Variants in XYLT1 observed in about 807,000 individuals in gnomAD.
XYLT1 encodes beta-D-xylosyltransferase 1.
Under a neutral mutation model 91.3 loss-of-function variants are expected in XYLT1, and 36 were observed. The ratio of observed to expected loss-of-function variants is 0.39; its 90% CI spans 0.30 to 0.52. The LOEUF (loss-of-function observed/expected upper bound fraction) is 0.52. Ranked by LOEUF, XYLT1 falls within the 20% of genes least tolerant of loss-of-function variation. XYLT1 has a pLI of 0.68. For synonymous variants in XYLT1, 588 were observed against 532.0 expected, an observed-to-expected ratio of 1.11 and a Z score of -1.45; for missense variants, 1,242 against 1,284.5, an observed-to-expected ratio of 0.97 and a Z score of 0.51.
chr16:17,310,633 G>A (rs2034533387), intron 2 of XYLT1, among the ~76,000 whole-genome samples: 1 of 152,170 alleles, frequency 6.6e-6, no homozygotes. Context: ...GGTGGATCAT[G>A]AGGTCATGAG....
chr16:17,331,811 T>C (rs1256927911), intron 2 of XYLT1, among the ~76,000 whole-genome samples: 1 of 152,146 alleles, frequency 6.6e-6, no homozygotes, highest in Non-Finnish European at 1.5e-5. Context: ...AAAATTAATA[T>C]TATGTGCTGC....
chr16:17,278,935 CTG>C (rs1345603991), intron 2 of XYLT1, among the ~76,000 whole-genome samples: 2 of 152,200 alleles, frequency 1.3e-5, no homozygotes, highest in African/African-American at 4.8e-5. Context: ...CCAAGGCTGA[CTG>C]TGAACATTTC....
intron 6 of XYLT1, among the ~76,000 whole-genome samples, chr16:17,152,013 T>C (rs2031295297): frequency 6.6e-6 from 1 of 152,212 alleles, no homozygotes; most frequent in Non-Finnish European, 1.5e-5. Flanking sequence ...TCTAAAGGTC[T>C]GTTGAGGGCT....
intron 11 of XYLT1, among the ~76,000 whole-genome samples, chr16:17,112,900 CATG>C (rs145138156): frequency 0.21 from 31,732 of 152,054 alleles, 4,154 homozygotes; most frequent in East Asian, 0.6. Flanking sequence ...AGTGCAATGG[CATG>C]ATCTCAGCTC....
chr16:17,337,762 T>G (rs1467792951), intron 2 of XYLT1, among the ~76,000 whole-genome samples: 7 of 147,532 alleles, frequency 4.7e-5, no homozygotes, highest in Non-Finnish European at 8.9e-5. Flanking sequence ...ACTTTGTCTG[T>G]TCCACATTTT....
chr16:17,448,854 C>G (rs1430219242), intron 1 of XYLT1, among the ~76,000 whole-genome samples: 1 of 152,108 alleles, frequency 6.6e-6, no homozygotes, highest in Non-Finnish European at 1.5e-5. Flanking sequence ...TGTATTAACT[C>G]ATTTATTTCT....
chr16:17,127,871 C>G lies in XYLT1; in HGVS notation c.2028-10G>C, dbSNP rs1270154398. The G allele has an allele frequency of 1.2e-6, 2 of 1,611,626 alleles. No individual in the cohort carries two copies. On this transcript the variant is annotated splice_polypyrimidine_tract_variant and intron_variant, in intron 9 of 11. Coordinates refer to ENST00000261381, the MANE Select transcript of XYLT1 (RefSeq NM_022166.4). ...GCCCATTGGGTAGTATCTGAAAACA[C>G]AGGCGCTCATGCATTAGGGCCCAAG...
At chr16:17,143,209 C>T (rs2031032197) in intron 6 of XYLT1, among the ~76,000 whole-genome samples, 1 of 152,150 alleles carries the variant, frequency 6.6e-6, no homozygotes. Context: ...ATTCATTGCA[C>T]ACATAACCAT....
chr16:17,164,059 A>G (rs1188380116), intron 5 of XYLT1, among the ~76,000 whole-genome samples: 1 of 148,852 alleles, frequency 6.7e-6, no homozygotes, highest in Non-Finnish European at 1.5e-5. Flanking sequence ...AAAAAAAAAA[A>G]AAAAAAAAAA....
chr16:17,346,313 G>C (rs973776469), intron 2 of XYLT1, among the ~76,000 whole-genome samples: 1 of 152,092 alleles, frequency 6.6e-6, no homozygotes, highest in Non-Finnish European at 1.5e-5. Context: ...TGAGACCCTA[G>C]GAGGATCCAG....
At chr16:17,232,969 A>G (rs948608123) in intron 3 of XYLT1, among the ~76,000 whole-genome samples, 1 of 151,988 alleles carries the variant, frequency 6.6e-6, no homozygotes, top group African/African-American at 2.4e-5. Context: ...CTTTTGTGTC[A>G]TATTTTTTTA....
intron 6 of XYLT1, among the ~76,000 whole-genome samples, chr16:17,145,394 T>C (rs1030369282): frequency 4.6e-5 from 7 of 152,176 alleles, no homozygotes; most frequent in Non-Finnish European, 7.3e-5. Flanking sequence ...AATTCAGGGA[T>C]GGGCCAGCAA....
intron 6 of XYLT1, among the ~76,000 whole-genome samples, chr16:17,152,578 G>C (rs78979187): frequency 0.04 from 6,090 of 152,300 alleles, 215 homozygotes; most frequent in Non-Finnish European, 0.054. Flanking sequence ...GGAGGTTCCT[G>C]GCCAGGCTCT....
intron 5 of XYLT1, among the ~76,000 whole-genome samples, chr16:17,168,294 T>C (rs1450917945): frequency 6.6e-6 from 1 of 152,144 alleles, no homozygotes; most frequent in African/African-American, 2.4e-5. Context: ...TTTGCTGCAA[T>C]ATGGATGCAG....
intron 3 of XYLT1, among the ~76,000 whole-genome samples, chr16:17,223,029 C>T (rs1435002952): frequency 6.2e-5 from 9 of 144,436 alleles, no homozygotes; most frequent in East Asian, 2.0e-4. Context: ...GAGGCAACTG[C>T]GCCAGGAAAA....
intron 5 of XYLT1, among the ~76,000 whole-genome samples, chr16:17,197,453 G>A (rs1438866767): frequency 6.6e-6 from 1 of 152,184 alleles, no homozygotes; most frequent in Non-Finnish European, 1.5e-5. Flanking sequence ...GGAAGCTTGT[G>A]ATGGTTACTA....
chr16:17,319,250 C>G (rs2141828351), intron 2 of XYLT1, among the ~76,000 whole-genome samples: 1 of 152,278 alleles, frequency 6.6e-6, no homozygotes, highest in African/African-American at 2.4e-5. Context: ...ATCAGAATGC[C>G]TGGAACTTAT....
At chr16:17,299,259 T>G (rs1344831077) in intron 2 of XYLT1, among the ~76,000 whole-genome samples, 2 of 152,176 alleles carry the variant, frequency 1.3e-5, no homozygotes, top group African/African-American at 2.4e-5. Context: ...GCTCCATGCC[T>G]TTATCAACCT....
At chr16:17,225,564 A>C (rs2033048098) in intron 3 of XYLT1, among the ~76,000 whole-genome samples, 1 of 152,058 alleles carries the variant, frequency 6.6e-6, no homozygotes, top group African/African-American at 2.4e-5. Flanking sequence ...AGCTGCTTGA[A>C]GCGTTTCAGG....
Sources: allele counts gnomAD v4.1 joint callset (sites outside exome capture counted in the v4.1 genomes callset), GRCh38; gene constraint gnomAD v4.1.1; transcripts MANE v1.5; gene names NCBI Gene and HGNC (gene_info 2026-07-23, HGNC 2026-07-21).